The following TENM3 variants were observed in gnomAD, a reference collection of about 807,000 sequenced individuals.
The protein encoded by TENM3 is teneurin-3.
A neutral mutation model predicts 255.1 loss-of-function variants in TENM3; 63 were observed. That is an observed-to-expected ratio of 0.25 (90% confidence interval 0.20 to 0.30). The LOEUF (loss-of-function observed/expected upper bound fraction) is 0.30. Ranked by LOEUF, TENM3 falls within the 10% of genes least tolerant of loss-of-function variation. The pLI is 1.00. For synonymous variants in TENM3, 1,306 were observed against 1,322.3 expected, an observed-to-expected ratio of 0.99 and a Z score of 0.27; for missense variants, 2,929 against 3,461.1, an observed-to-expected ratio of 0.85 and a Z score of 3.86.
chr4:182,640,523 A>G (rs1176531163), intron 5 of TENM3, among the ~76,000 whole-genome samples: 1 of 152,152 alleles, frequency 6.6e-6, no homozygotes, highest in Non-Finnish European at 1.5e-5. Context: ...TAAATTTTAC[A>G]TTTTCCATTT....
the TENM3 span, among the ~76,000 whole-genome samples, chr4:181,560,844 G>A: frequency 8.3e-4 from 126 of 152,244 alleles, no homozygotes; most frequent in African/African-American, 2.8e-3. Context: ...CACGGTGCAG[G>A]GCAAAGCAAA....
At chr4:182,723,198 C>T (rs1759890499) in intron 13 of TENM3, among the ~76,000 whole-genome samples, 1 of 152,072 alleles carries the variant, frequency 6.6e-6, no homozygotes, top group African/African-American at 2.4e-5. Flanking sequence ...CCAAAGCCAC[C>T]AGGAGAGCAC....
At chr4:182,626,730 A>C (rs1446960947) in intron 4 of TENM3, among the ~76,000 whole-genome samples, 1 of 152,224 alleles carries the variant, frequency 6.6e-6, no homozygotes, top group Non-Finnish European at 1.5e-5. Flanking sequence ...AGCTTTTTAA[A>C]GTAGTTCAGT....
upstream of TENM3, chr4:182,141,364 A>C (rs1183259020): frequency 1.3e-5 from 2 of 152,278 alleles, no homozygotes; most frequent in East Asian, 3.8e-4. Context: ...GGTAAAAAGC[A>C]TGATGGTCAC....
chr4:181,593,772 G>T, the TENM3 span, among the ~76,000 whole-genome samples: 1 of 152,210 alleles, frequency 6.6e-6, no homozygotes, highest in African/African-American at 2.4e-5. Flanking sequence ...TCATGTGAAA[G>T]CTGGGAGACA....
chr4:181,868,917 A>C, the TENM3 span, among the ~76,000 whole-genome samples: 1 of 152,108 alleles, frequency 6.6e-6, no homozygotes, highest in Admixed American at 6.5e-5. Context: ...GCTAATTTTT[A>C]GGCCTCTTTC....
intron 13 of TENM3, among the ~76,000 whole-genome samples, chr4:182,727,646 A>G (rs1032946052): frequency 6.6e-6 from 1 of 152,046 alleles, no homozygotes; most frequent in Non-Finnish European, 1.5e-5. Flanking sequence ...GCACTGGCAA[A>G]TTCTTCTCAT....
At chr4:181,958,911 T>C in the TENM3 span, among the ~76,000 whole-genome samples, 7 of 152,120 alleles carry the variant, frequency 4.6e-5, no homozygotes, top group Admixed American at 4.6e-4. Flanking sequence ...TGGGGGAGAA[T>C]GTATATAAAC....
the TENM3 span, among the ~76,000 whole-genome samples, chr4:182,010,360 C>G: frequency 6.6e-6 from 1 of 152,038 alleles, no homozygotes; most frequent in Non-Finnish European, 1.5e-5. Flanking sequence ...ATATTAAAAA[C>G]TGACAATTGG....
At chr4:182,276,408 C>A (rs1400217114) in intron 1 of TENM3, among the ~76,000 whole-genome samples, 1 of 152,190 alleles carries the variant, frequency 6.6e-6, no homozygotes, top group Non-Finnish European at 1.5e-5. Flanking sequence ...ATTCTTCTAG[C>A]CCTCTTGAGA....
chr4:182,620,338 T>C (rs1346853014), intron 4 of TENM3, among the ~76,000 whole-genome samples: 1 of 152,186 alleles, frequency 6.6e-6, no homozygotes, highest in Admixed American at 6.5e-5. Context: ...AAAGAAGTCC[T>C]TGGGCTTAAA....
At chr4:182,543,198 GATGGATGCAAGGATGGAGGGATGC>G (rs1217071237) in intron 3 of TENM3, among the ~76,000 whole-genome samples, 1 of 148,116 alleles carries the variant, frequency 6.8e-6, no homozygotes, top group South Asian at 2.2e-4. Flanking sequence ...GGGATGCATG[GATGGATGCAAGGATGGAGGGATGC>G]ATGGATGCAT....
chr4:182,353,728 G>A (rs1765333731), intron 3 of TENM3, among the ~76,000 whole-genome samples: 2 of 152,198 alleles, frequency 1.3e-5, no homozygotes, highest in Admixed American at 1.3e-4. Flanking sequence ...AGCACTTTGG[G>A]AGGCCAAGGC....
intron 4 of TENM3, among the ~76,000 whole-genome samples, chr4:182,626,343 A>G (rs892690529): frequency 6.6e-6 from 1 of 152,186 alleles, no homozygotes; most frequent in African/African-American, 2.4e-5. Flanking sequence ...AAAATCTTCA[A>G]ATTATACTTT....
intron 3 of TENM3, among the ~76,000 whole-genome samples, chr4:182,405,988 T>C (rs1769543759): frequency 6.6e-6 from 1 of 152,094 alleles, no homozygotes; most frequent in African/African-American, 2.4e-5. Flanking sequence ...TTGGCATGAA[T>C]AATCTGGCAC....
the TENM3 span, among the ~76,000 whole-genome samples, chr4:181,927,666 A>C: frequency 6.6e-6 from 1 of 152,220 alleles, no homozygotes; most frequent in South Asian, 2.1e-4. Flanking sequence ...ACAGTGCTCC[A>C]GCTCTGCTAA....
chr4:182,539,397 G>T (rs1308406266), intron 3 of TENM3, among the ~76,000 whole-genome samples: 2 of 152,110 alleles, frequency 1.3e-5, no homozygotes, highest in African/African-American at 4.8e-5. Context: ...AGCCAGAGTG[G>T]ATGAAGGAGT....
chr4:182,580,178 GTACT>G (rs1745345976), intron 3 of TENM3, among the ~76,000 whole-genome samples: 1 of 152,090 alleles, frequency 6.6e-6, no homozygotes, highest in East Asian at 1.9e-4. Flanking sequence ...GGAGACAAAA[GTACT>G]CTTTTGAGAG....
chr4:181,465,542 A>G, the TENM3 span, among the ~76,000 whole-genome samples: 1 of 152,226 alleles, frequency 6.6e-6, no homozygotes, highest in Non-Finnish European at 1.5e-5. Flanking sequence ...ACATAATTTT[A>G]GAATTATGAA....
Sources: gnomAD v4.1 joint callset for allele counts (sites outside exome capture counted in the v4.1 genomes callset) on GRCh38, gnomAD v4.1.1 for gene constraint, MANE v1.5 for transcripts, NCBI Gene and HGNC (gene_info 2026-07-23, HGNC 2026-07-21) for gene names.